Variants in PLCB4 observed in about 807,000 individuals in gnomAD.
PLCB4 encodes 1-phosphatidylinositol 4,5-bisphosphate phosphodiesterase beta-4.
In PLCB4, 77 loss-of-function variants were observed where a neutral mutation model predicts 178.8. The observed-to-expected ratio is 0.43, with a 90% CI of 0.36 to 0.52. The LOEUF (loss-of-function observed/expected upper bound fraction) is 0.52. Among genes scored for constraint, PLCB4 ranks in the 20% least tolerant of loss-of-function variants. The pLI is 0.00. For missense variants in PLCB4, 1,024 were observed against 1,453.4 expected (o/e 0.70, Z 4.80); for synonymous variants, 496 against 490.8 (o/e 1.01, Z -0.14).
intron 16 of PLCB4, among the ~76,000 whole-genome samples, 181 bp from the exon 17 acceptor site, chr20:9,390,350 C>G (rs1342452801): frequency 6.6e-6 from 1 of 152,180 alleles, no homozygotes; most frequent in East Asian, 1.9e-4. Context: ...GGAACAGAAT[C>G]TCCTTCTCCT....
intron 3 of PLCB4, among the ~76,000 whole-genome samples, chr20:9,271,367 T>C (rs1308491439): frequency 6.6e-6 from 1 of 152,168 alleles, no homozygotes; most frequent in African/African-American, 2.4e-5. Context: ...TAGGTAGTAG[T>C]GTTACCAACA....
chr20:9,365,615 T>C (rs753361511), intron 9 of PLCB4, 101 bp downstream of exon 9: 1 of 610,356 alleles, frequency 1.6e-6, no homozygotes, highest in Non-Finnish European at 2.9e-6. Context: ...TTAAATGCTT[T>C]AAAGATATTT....
intron 3 of PLCB4, among the ~76,000 whole-genome samples, chr20:9,227,971 C>G (rs2093887809): frequency 6.6e-6 from 1 of 152,144 alleles, no homozygotes; most frequent in Admixed American, 6.5e-5. Flanking sequence ...ATGCTACAAT[C>G]CAAGGGCTTC....
chr20:9,084,507 A>T (rs1474023501), intron 1 of PLCB4, among the ~76,000 whole-genome samples: 5 of 110,586 alleles, frequency 4.5e-5, no homozygotes, highest in African/African-American at 1.5e-4. Context: ...TCTCTTTGTA[A>T]TTTTTTTTTT....
At chr20:9,249,438 G>A (rs946538366) in intron 3 of PLCB4, among the ~76,000 whole-genome samples, 10 of 152,062 alleles carry the variant, frequency 6.6e-5, no homozygotes, top group Non-Finnish European at 7.4e-5. Context: ...CTCCCAAGTA[G>A]CTGGGACATC....
chr20:9,419,957 G>A, intron 26 of PLCB4, 48 bp downstream of exon 26: 2 of 1,091,466 alleles, frequency 1.8e-6, no homozygotes, highest in Non-Finnish European at 2.8e-6. Flanking sequence ...TACACAAGTG[G>A]TCCTTGAAAG....
At position 9,086,593 on chromosome 20, in the gene PLCB4, C is replaced by T. The variant is rs772220176; in HGVS notation, c.-134-9694C>T. Among the ~76,000 whole-genome samples the T allele has an allele frequency of 1.6e-4, 25 of 152,244 alleles. No individual in the cohort carries two copies. In the Middle Eastern group the frequency reaches 0.014, roughly 83 times the overall value. The stretch of plus-strand genomic sequence containing the variant: ...GGGCCACATAACTAGCAAGTTGTAG[C>T]GCCTCAGCTGGAGTCAGACCCTGCT... On this transcript the variant is annotated intron_variant, in intron 1 of 39. Transcript: ENST00000378473.
chr20:9,392,894 G>A (rs1413128085), intron 17 of PLCB4, among the ~76,000 whole-genome samples: 2 of 151,192 alleles, frequency 1.3e-5, no homozygotes, highest in Admixed American at 1.3e-4. Context: ...GAATGGATGG[G>A]TGGAGGGGTG....
At chr20:9,081,482 C>T (rs903679997) in intron 1 of PLCB4, among the ~76,000 whole-genome samples, 5 of 152,276 alleles carry the variant, frequency 3.3e-5, no homozygotes, top group African/African-American at 1.2e-4. Context: ...ACTCAATCCC[C>T]TTCTTCAACT....
chr20:9,216,952 C>T lies in PLCB4; in HGVS notation c.-78-438C>T, dbSNP rs371818751. Among the ~76,000 whole-genome samples, 23 of 152,222 alleles carry T rather than the reference C, an allele frequency of 1.5e-4. No homozygotes were observed. The East Asian group carries it at 3.7e-3, about 24-fold the overall frequency. On this transcript the variant is annotated intron_variant, in intron 2 of 39. Coordinates refer to ENST00000378473, the MANE Select transcript of PLCB4 (RefSeq NM_001377142.1). ...CTTAATAACAAAGACAATACGGAAACAGCCATAAAAAAAGACTCTCTTTGC... is the reference window on the plus strand; with the variant it reads ...CTTAATAACAAAGACAATACGGAAATAGCCATAAAAAAAGACTCTCTTTGC...
intron 28 of PLCB4, among the ~76,000 whole-genome samples, chr20:9,430,042 C>T (rs1264343678): frequency 1.3e-5 from 2 of 151,684 alleles, no homozygotes; most frequent in Admixed American, 6.6e-5. Context: ...CTAACACTAA[C>T]GATAGCTGAT....
chr20:9,126,979 A>G (rs1460994966), intron 2 of PLCB4, among the ~76,000 whole-genome samples: 3 of 152,168 alleles, frequency 2.0e-5, no homozygotes, highest in African/African-American at 7.2e-5. Flanking sequence ...ACTAACAGTC[A>G]TAAGTCACAT....
intron 2 of PLCB4, among the ~76,000 whole-genome samples, chr20:9,156,819 G>GCTTCCCTC (rs1555848809): frequency 3.2e-5 from 1 of 31,264 alleles, no homozygotes; most frequent in Non-Finnish European, 5.3e-5. Flanking sequence ...TTACAGGGTT[G>GCTTCCCTC]CCTCCCTCCC....
chr20:9,187,794 C>T (rs146811277), intron 2 of PLCB4, among the ~76,000 whole-genome samples: 61 of 152,290 alleles, frequency 4.0e-4, no homozygotes, highest in African/African-American at 1.4e-3. Flanking sequence ...TAACCCTTCA[C>T]ATGAGTGAAT....
At chr20:9,143,604 C>T (rs138193745) in intron 2 of PLCB4, among the ~76,000 whole-genome samples, 5 of 152,222 alleles carry the variant, frequency 3.3e-5, no homozygotes, top group Non-Finnish European at 5.9e-5. Flanking sequence ...GCTTAGCCTC[C>T]ACTTTCGACT....
At chr20:9,196,222 C>T (rs2093470921) in intron 2 of PLCB4, among the ~76,000 whole-genome samples, 1 of 152,100 alleles carries the variant, frequency 6.6e-6, no homozygotes, top group African/African-American at 2.4e-5. Context: ...TCTGTGTGTG[C>T]AGGCAGAGTC....
intron 2 of PLCB4, among the ~76,000 whole-genome samples, chr20:9,162,032 T>C (rs755019062): frequency 1.3e-5 from 2 of 152,172 alleles, no homozygotes; most frequent in Non-Finnish European, 2.9e-5. Flanking sequence ...GATATTTAAG[T>C]TTATATCCTT....
At chr20:9,147,754 A>G (rs1473664245) in intron 2 of PLCB4, among the ~76,000 whole-genome samples, 1 of 152,178 alleles carries the variant, frequency 6.6e-6, no homozygotes, top group Non-Finnish European at 1.5e-5. Context: ...CTTTCTTTGC[A>G]TCATGTGTGC....
chr20:9,281,118 G>A (rs2094491635), intron 3 of PLCB4, among the ~76,000 whole-genome samples: 1 of 151,930 alleles, frequency 6.6e-6, no homozygotes, highest in Admixed American at 6.6e-5. Flanking sequence ...TTTCTTAACA[G>A]TTAAGTATAC....
Sources: gnomAD v4.1 joint callset for allele counts (sites outside exome capture counted in the v4.1 genomes callset) on GRCh38, gnomAD v4.1.1 for gene constraint, MANE v1.5 for transcripts, NCBI Gene and HGNC (gene_info 2026-07-23, HGNC 2026-07-21) for gene names.